TMEM131: variants seen among roughly 807,000 people sequenced by gnomAD.
The protein encoded by TMEM131 is transmembrane protein 131.
Under a neutral mutation model 211.6 loss-of-function variants are expected in TMEM131, and 66 were observed. The ratio of observed to expected loss-of-function variants is 0.31; its 90% CI spans 0.26 to 0.38. The LOEUF is 0.38. Among genes scored for constraint, TMEM131 ranks in the 10% least tolerant of loss-of-function variants. TMEM131 has a pLI of 1.00. For missense variants in TMEM131, 2,036 were observed against 2,299.3 expected (o/e 0.89, Z 2.34); for synonymous variants, 844 against 841.3 (o/e 1.00, Z -0.06).
chr2:97,983,582 T>G lies in TMEM131; in HGVS notation c.187+11894A>C, dbSNP rs1443510931. 9.9e-5 allele frequency among the ~76,000 whole-genome samples: 15 copies of G among 152,154 alleles called. No individual in the cohort carries two copies. In the East Asian group the frequency reaches 2.7e-3, roughly 27 times the overall value. ...TAACTGAAGCCTGTCAGTAACAACA[T>G]GAACCTGTGATCAATTAAGCAGCTG... On this transcript the variant is annotated intron_variant, in intron 1 of 40. Transcript: ENST00000186436.
chr2:97,972,609 T>C (rs1679357332), intron 1 of TMEM131, among the ~76,000 whole-genome samples: 2 of 152,188 alleles, frequency 1.3e-5, no homozygotes, highest in South Asian at 4.2e-4. Context: ...GACGCCCACA[T>C]CCTAACCTCG....
chr2:97,959,527 T>A (rs751407126), intron 1 of TMEM131, among the ~76,000 whole-genome samples: 3 of 151,464 alleles, frequency 2.0e-5, no homozygotes, highest in Non-Finnish European at 4.4e-5. Flanking sequence ...CTCTCTCTCA[T>A]ATATATGAGA....
chr2:97,846,853 C>T (rs1008905459), intron 5 of TMEM131, among the ~76,000 whole-genome samples: 6 of 152,132 alleles, frequency 3.9e-5, no homozygotes, highest in Non-Finnish European at 8.8e-5. Context: ...GGCAAGGATG[C>T]CCTCTCTTAT....
chr2:97,917,887 A>T (rs1004026017), intron 2 of TMEM131, among the ~76,000 whole-genome samples: 1 of 151,924 alleles, frequency 6.6e-6, no homozygotes, highest in Non-Finnish European at 1.5e-5. Context: ...CGGCTTCCCT[A>T]GAGGAGGGTG....
chr2:97,861,148 C>T (rs1475122500), intron 4 of TMEM131, among the ~76,000 whole-genome samples: 1 of 152,118 alleles, frequency 6.6e-6, no homozygotes, highest in Non-Finnish European at 1.5e-5. Flanking sequence ...GCCTTGCCAC[C>T]TCAGGCTAAA....
At chr2:97,991,972 G>T (rs1680289217) in intron 1 of TMEM131, among the ~76,000 whole-genome samples, 1 of 152,152 alleles carries the variant, frequency 6.6e-6, no homozygotes. Flanking sequence ...AGGAAAAAAG[G>T]ACACACTTTT....
At chr2:97,968,609 T>C (rs1679159158) in intron 1 of TMEM131, among the ~76,000 whole-genome samples, 1 of 152,168 alleles carries the variant, frequency 6.6e-6, no homozygotes, top group Admixed American at 6.5e-5. Flanking sequence ...TGCCAAGCAG[T>C]GCTGACATGT....
At chr2:97,777,182 G>C (rs186685421) in intron 31 of TMEM131, among the ~76,000 whole-genome samples, 68 of 152,358 alleles carry the variant, frequency 4.5e-4, no homozygotes, top group Non-Finnish European at 2.2e-4. Context: ...ACCTCAGATT[G>C]TGCCTGCAAA....
At chr2:97,761,786 G>T in intron 36 of TMEM131, 2 of 428,790 alleles carry the variant, frequency 4.7e-6, no homozygotes, top group Non-Finnish European at 4.1e-6. Flanking sequence ...TGAGTTAAAT[G>T]GTGCATTTCT....
At chr2:97,927,047 AG>A (rs1158808129) in intron 2 of TMEM131, among the ~76,000 whole-genome samples, 1 of 152,236 alleles carries the variant, frequency 6.6e-6, no homozygotes, top group African/African-American at 2.4e-5. Flanking sequence ...TTTAGTAGGA[AG>A]GCTTTATAAA....
At chr2:97,788,236 G>A (rs1211179943) in intron 31 of TMEM131, among the ~76,000 whole-genome samples, 3 of 152,184 alleles carry the variant, frequency 2.0e-5, no homozygotes, top group Non-Finnish European at 4.4e-5. Context: ...CAGTGCCTCA[G>A]TGGCCCTCGG....
chr2:97,882,691 C>T (rs896599259), intron 4 of TMEM131, among the ~76,000 whole-genome samples: 2 of 152,160 alleles, frequency 1.3e-5, no homozygotes, highest in African/African-American at 4.8e-5. Flanking sequence ...AATGCATAAG[C>T]CAATTCCTTA....
chr2:97,916,740 T>C (rs1650700388), intron 2 of TMEM131, among the ~76,000 whole-genome samples: 1 of 152,198 alleles, frequency 6.6e-6, no homozygotes, highest in African/African-American at 2.4e-5. Flanking sequence ...AACTTAGGCC[T>C]CAGAGTCAAA....
chr2:97,941,633 A>C (rs1677735367), intron 1 of TMEM131, among the ~76,000 whole-genome samples: 5 of 152,216 alleles, frequency 3.3e-5, no homozygotes, highest in Admixed American at 3.3e-4. Flanking sequence ...TACAAGGAAA[A>C]ATCAAACAAC....
chr2:97,895,318 T>G (rs1203931795), intron 3 of TMEM131, among the ~76,000 whole-genome samples: 2 of 152,122 alleles, frequency 1.3e-5, no homozygotes, highest in Admixed American at 6.6e-5. Context: ...TAGGGATATT[T>G]GCCTGAAATT....
intron 31 of TMEM131, among the ~76,000 whole-genome samples, chr2:97,791,599 C>T (rs79858938): frequency 1.3e-5 from 2 of 152,228 alleles, no homozygotes; most frequent in Non-Finnish European, 2.9e-5. Flanking sequence ...TCAGTTGAAC[C>T]TTAAGATGAC....
rs117902906 is a variant in TMEM131 at position 97,869,722 on chromosome 2, C to T, written c.360-10295G>A. Among the ~76,000 whole-genome samples the T allele has an allele frequency of 1.6e-4, 25 of 152,284 alleles. No homozygotes were observed. In the East Asian group the frequency reaches 4.2e-3, roughly 26 times the overall value. ...GCTTGCCTTCCTCCTCACCATCCTC[C>T]GTTCCTTTGGTGACATGAGCAGAAT... is the stretch of plus-strand genomic sequence containing the variant. On this transcript the variant is annotated intron_variant, in intron 4 of 40. Transcript: ENST00000186436.
Position 97,816,290 on chromosome 2 carries a change from G to A in TMEM131, c.1184-983C>T, listed in dbSNP as rs1406192264. ...TGGGAGGTGGAGGCTGCAGTGAGCCGAGATTGCGCCATTGCACTCCAGCCT... is the reference window on the plus strand; with the variant it reads ...TGGGAGGTGGAGGCTGCAGTGAGCCAAGATTGCGCCATTGCACTCCAGCCT... On this transcript the variant is annotated intron_variant, in intron 12 of 40. Transcript: ENST00000186436. 2.6e-5 allele frequency among the ~76,000 whole-genome samples: 4 copies of A among 152,104 alleles called. No individual in the cohort carries two copies. In the East Asian group the frequency reaches 5.8e-4, roughly 22 times the overall value.
intron 2 of TMEM131, among the ~76,000 whole-genome samples, chr2:97,915,158 CTCA>C (rs1676457469): frequency 1.3e-5 from 2 of 152,016 alleles, no homozygotes; most frequent in African/African-American, 4.8e-5. Flanking sequence ...GAAATGTGTG[CTCA>C]TCTCTTTTCC....
Sources: allele counts gnomAD v4.1 joint callset (sites outside exome capture counted in the v4.1 genomes callset), GRCh38; gene constraint gnomAD v4.1.1; transcripts MANE v1.5; gene names NCBI Gene and HGNC (gene_info 2026-07-23, HGNC 2026-07-21).